Variants in CNNM2 observed in about 807,000 individuals in gnomAD.
CNNM2 encodes the protein cyclin and CBS domain divalent metal cation transport mediator 2.
A neutral mutation model predicts 66.9 loss-of-function variants in CNNM2; 12 were observed. The ratio of observed to expected loss-of-function variants is 0.18; its 90% confidence interval spans 0.11 to 0.29. The LOEUF is 0.29. Among genes scored for constraint, CNNM2 ranks in the 10% least tolerant of loss-of-function variants. The pLI is 1.00. For missense variants in CNNM2, 705 were observed against 1,167.7 expected, an observed-to-expected ratio of 0.60 and a Z score of 5.77; for synonymous variants, 557 against 501.8, an observed-to-expected ratio of 1.11 and a Z score of -1.47.
chr10:102,985,581 A>G (rs975834601), intron 1 of CNNM2, among the ~76,000 whole-genome samples: 1 of 151,938 alleles, frequency 6.6e-6, no homozygotes, highest in Admixed American at 6.6e-5. Flanking sequence ...CCTACTGGCT[A>G]CTCTTAGTCA....
At chr10:103,017,092 A>G (rs1352943323) in intron 1 of CNNM2, among the ~76,000 whole-genome samples, 1 of 152,038 alleles carries the variant, frequency 6.6e-6, no homozygotes, top group Non-Finnish European at 1.5e-5. Context: ...GTGAGGCCCA[A>G]CAATACTTGG....
intron 4 of CNNM2, among the ~76,000 whole-genome samples, chr10:103,065,194 C>G (rs1053303209): frequency 1.3e-5 from 2 of 152,200 alleles, no homozygotes; most frequent in African/African-American, 4.8e-5. Context: ...CCTTGAGAGG[C>G]CAGGGCACAC....
intron 1 of CNNM2, among the ~76,000 whole-genome samples, chr10:102,926,812 C>T (rs1477908504): frequency 1.3e-5 from 2 of 149,790 alleles, no homozygotes; most frequent in Admixed American, 6.8e-5. Flanking sequence ...ACCTCCTGGG[C>T]TCATGCCATT....
rs1359404442 is a variant in CNNM2 at position 103,056,850 on chromosome 10, A to G, written c.1959A>G (p.Leu653=). 2 of 1,614,018 alleles carry G rather than the reference A, an allele frequency of 1.2e-6. No individual in the cohort carries two copies. Among genetic ancestry groups the G allele is most frequent in the East Asian group, 2.2e-5 (1 of 44,876 alleles). Residue 653 remains leucine (L), a synonymous_variant, in exon 4 of 8, where the codon CTA becomes CTG. Transcript: ENST00000369878. ...CAGAGAAGATCCTTCTAAGGCTGCTAAAGCACCCCAATGTCATCCAGGAAC... is the reference window on the plus strand; with the variant it reads ...CAGAGAAGATCCTTCTAAGGCTGCTGAAGCACCCCAATGTCATCCAGGAAC... ...QMSEKILLRL[L]KHPNVIQELK...
At chr10:103,006,574 A>C (rs908501637) in intron 1 of CNNM2, among the ~76,000 whole-genome samples, 1 of 152,122 alleles carries the variant, frequency 6.6e-6, no homozygotes, top group Non-Finnish European at 1.5e-5. Flanking sequence ...ATTTGCTAAA[A>C]GATGGTTTTG....
intron 1 of CNNM2, among the ~76,000 whole-genome samples, chr10:103,019,764 G>C (rs2064533794): frequency 6.6e-6 from 1 of 152,128 alleles, no homozygotes; most frequent in Non-Finnish European, 1.5e-5. Flanking sequence ...TAAATACACT[G>C]TTCTATAGCC....
intron 1 of CNNM2, among the ~76,000 whole-genome samples, chr10:103,023,559 T>C (rs2064637077): frequency 6.6e-6 from 1 of 151,638 alleles, no homozygotes; most frequent in Admixed American, 6.6e-5. Flanking sequence ...CCCCTCCCCA[T>C]CCCCACAAAA....
At chr10:102,951,233 G>A (rs1049781198) in intron 1 of CNNM2, among the ~76,000 whole-genome samples, 34 of 152,012 alleles carry the variant, frequency 2.2e-4, no homozygotes, top group African/African-American at 7.7e-4. Context: ...GTCTCACTCT[G>A]TCACCCAGGC....
intron 1 of CNNM2, among the ~76,000 whole-genome samples, chr10:102,956,517 A>G: frequency 6.6e-6 from 1 of 152,230 alleles, no homozygotes; most frequent in East Asian, 1.9e-4. Flanking sequence ...AGACACGTGC[A>G]CACGTATGTT....
Position 103,054,451 on chromosome 10 carries a change from C to T in CNNM2, c.1888C>T (p.Arg630Cys). 6 of 1,613,740 alleles carry T rather than the reference C, an allele frequency of 3.7e-6. No homozygotes were observed. Among genetic ancestry groups the T allele is most frequent in the Non-Finnish European group, 5.1e-6 (6 of 1,179,816 alleles). The change falls in exon 3 of 8, where the codon CGT (arginine) becomes TGT (cysteine). Residue 630 changes from arginine (R) to cysteine (C), a missense_variant. Coordinates refer to ENST00000369878, the MANE Select transcript of CNNM2 (RefSeq NM_017649.5). The surrounding 1 kb of genome is among the most constrained non-coding windows in gnomAD (Gnocchi z 5.2). ...ACCACAGCTCCTCCTGGCCATGCAC[C>T]GTTTCCTAGCAACAGGCAAGTGCAG... ...ISPQLLLAMH[R>C]FLATEVEAFS...
intron 1 of CNNM2, among the ~76,000 whole-genome samples, chr10:102,944,765 A>G (rs1846550439): frequency 6.6e-6 from 1 of 152,164 alleles, no homozygotes; most frequent in Admixed American, 6.6e-5. Context: ...ATTTAATGTC[A>G]GTACAAACAT....
chr10:103,073,146 G>C (rs1031596571), intron 6 of CNNM2, among the ~76,000 whole-genome samples: 9 of 152,264 alleles, frequency 5.9e-5, no homozygotes, highest in Non-Finnish European at 1.5e-5. Context: ...TGCTCCTCCA[G>C]AGGGTGGCCA....
chr10:103,062,272 A>G (rs2065399714), intron 4 of CNNM2, among the ~76,000 whole-genome samples: 1 of 152,184 alleles, frequency 6.6e-6, no homozygotes, highest in Non-Finnish European at 1.5e-5. Flanking sequence ...CTTGTGGAGT[A>G]TGGCAGGTGG....
At chr10:102,920,490 T>A (rs932430338) in intron 1 of CNNM2, among the ~76,000 whole-genome samples, 23 of 152,126 alleles carry the variant, frequency 1.5e-4, no homozygotes, top group Non-Finnish European at 1.0e-4. Context: ...GCCATGCCAT[T>A]TGGTGGACTT....
intron 1 of CNNM2, among the ~76,000 whole-genome samples, chr10:102,991,341 TA>T (rs1230021394): frequency 6.6e-6 from 1 of 152,122 alleles, no homozygotes; most frequent in Non-Finnish European, 1.5e-5. Context: ...GTTCTCTTCA[TA>T]AAATCCCTCC....
intron 1 of CNNM2, among the ~76,000 whole-genome samples, chr10:102,967,690 T>C (rs1290197766): frequency 6.6e-6 from 1 of 152,222 alleles, no homozygotes; most frequent in Non-Finnish European, 1.5e-5. Flanking sequence ...GCATTTGTAT[T>C]GTGTCCAGGT....
rs942039542 is a variant in CNNM2, at chr10:103,090,149, G to T, written c.*12969G>T. On this transcript the variant is annotated 3_prime_UTR_variant, in exon 8 of 8. Coordinates refer to ENST00000369878, the MANE Select transcript of CNNM2 (RefSeq NM_017649.5). Reference sequence around the variant, plus strand: ...CTGGAAATTGGAAAAGATGGAGAGGGGAGTTTACTTTCTATTTTACAGCAA... The same window carrying T: ...CTGGAAATTGGAAAAGATGGAGAGGTGAGTTTACTTTCTATTTTACAGCAA... The T allele has an allele frequency of 6.9e-6, 3 of 433,376 alleles. No homozygotes were observed. Among genetic ancestry groups the T allele is most frequent in the Non-Finnish European group, 1.2e-5 (3 of 246,178 alleles). The allele number at this position is 433,376 out of a possible 1,614,324, so 26.8% of individuals were successfully genotyped here.
intron 1 of CNNM2, chr10:102,927,549 C>A: frequency 8.1e-7 from 1 of 1,230,536 alleles, no homozygotes; most frequent in Non-Finnish European, 1.1e-6. Flanking sequence ...CACTTGAGGT[C>A]AGGAGTTCCA....
intron 1 of CNNM2, among the ~76,000 whole-genome samples, chr10:102,967,665 T>C (rs1032166836): frequency 2.6e-5 from 4 of 152,242 alleles, no homozygotes; most frequent in Non-Finnish European, 5.9e-5. Context: ...CTGTTACCCA[T>C]TTGCTAGTTG....
Sources: allele counts gnomAD v4.1 joint callset (sites outside exome capture counted in the v4.1 genomes callset), GRCh38; gene constraint gnomAD v4.1.1; non-coding constraint Gnocchi (gnomAD v3.1); transcripts MANE v1.5; gene names NCBI Gene and HGNC (gene_info 2026-07-23, HGNC 2026-07-21).